The following GRAMD2B variants were observed in gnomAD, a reference collection of about 807,000 sequenced individuals.
GRAMD2B encodes GRAM domain-containing protein 2B.
Under a neutral mutation model 59.2 loss-of-function variants are expected in GRAMD2B, and 41 were observed. The ratio of observed to expected loss-of-function variants is 0.69; its 90% CI spans 0.54 to 0.90. The LOEUF is 0.90. Ranked by LOEUF, GRAMD2B falls within the 40% of genes least tolerant of loss-of-function variation. The pLI is 0.00. For synonymous variants in GRAMD2B, 161 were observed against 182.7 expected (o/e 0.88, Z 0.96); for missense variants, 424 against 500.5 (o/e 0.85, Z 1.46).
At chr5:126,412,728 C>T (rs1035741579) in intron 1 of GRAMD2B, among the ~76,000 whole-genome samples, 1 of 152,014 alleles carries the variant, frequency 6.6e-6, no homozygotes, top group Non-Finnish European at 1.5e-5. Flanking sequence ...GGCTATAACT[C>T]CATCTGATCC....
rs527642149 is a variant in GRAMD2B, at chr5:126,454,523, A to G, written c.84-10903A>G. On this transcript the variant is annotated intron_variant, in intron 1 of 13. Transcript: ENST00000285689. ...TCTCTCCAAAATCAGAATCTTAACA[A>G]TTAATTGCTTTTTGGAGTTATATGA... 5.9e-5 allele frequency among the ~76,000 whole-genome samples: 9 copies of G among 152,360 alleles called. No individual in the cohort carries two copies. The East Asian group carries it at 1.7e-3, about 29-fold the overall frequency.
chr5:126,408,327 C>T (rs911841296), intron 1 of GRAMD2B, among the ~76,000 whole-genome samples: 1 of 152,002 alleles, frequency 6.6e-6, no homozygotes, highest in Non-Finnish European at 1.5e-5. Context: ...ATATGTGCCA[C>T]ATTTTCTTTA....
At chr5:126,481,936 C>A (rs1229622328) in intron 8 of GRAMD2B, among the ~76,000 whole-genome samples, 1 of 150,170 alleles carries the variant, frequency 6.7e-6, no homozygotes, top group Non-Finnish European at 1.5e-5. Flanking sequence ...CCGCTGTACT[C>A]CAGCCTGGGA....
intron 1 of GRAMD2B, among the ~76,000 whole-genome samples, chr5:126,407,586 A>G (rs565760966): frequency 5.8e-4 from 88 of 152,140 alleles, no homozygotes; most frequent in Non-Finnish European, 1.1e-3. Flanking sequence ...GCTCTGATCT[A>G]AATATACAGG....
Position 126,406,110 on chromosome 5 carries a change from G to A in GRAMD2B, c.125+34543G>A, listed in dbSNP as rs540879611. On this transcript the variant is annotated intron_variant, in intron 1 of 8. Transcript: ENST00000506445. ...AAATATAGAGACAAAGATCATATTC[G>A]TGTCTAAAAGAAAAAAGATATTTAT... 4.8e-4 allele frequency among the ~76,000 whole-genome samples: 73 copies of A among 151,916 alleles called. No individual in the cohort carries two copies. The Middle Eastern group carries it at 0.01, about 21-fold the overall frequency.
At chr5:126,382,905 C>G (rs1755785556) in intron 1 of GRAMD2B, among the ~76,000 whole-genome samples, 1 of 152,120 alleles carries the variant, frequency 6.6e-6, no homozygotes, top group Admixed American at 6.5e-5. Flanking sequence ...TAGTACTCTC[C>G]CCCTTCCCCT....
At chr5:126,435,573 T>C (rs926908750) in intron 1 of GRAMD2B, among the ~76,000 whole-genome samples, 1 of 152,182 alleles carries the variant, frequency 6.6e-6, no homozygotes, top group Non-Finnish European at 1.5e-5. Flanking sequence ...TACCGACTCT[T>C]TGAAACTTTA....
intron 1 of GRAMD2B, among the ~76,000 whole-genome samples, chr5:126,361,019 G>T (rs1053506878): frequency 1.3e-5 from 2 of 152,054 alleles, no homozygotes; most frequent in African/African-American, 4.8e-5. Flanking sequence ...TAGCTTTTTG[G>T]TTTTTTAGGT....
At chr5:126,466,074 G>A (rs1768314163) in intron 2 of GRAMD2B, among the ~76,000 whole-genome samples, 1 of 152,196 alleles carries the variant, frequency 6.6e-6, no homozygotes, top group Admixed American at 6.5e-5. Flanking sequence ...ATTTGGTAGA[G>A]ACTAAAGTTG....
Position 126,360,406 on chromosome 5 carries a change from G to A in GRAMD2B, c.75G>A (p.Trp25Ter), listed in dbSNP as rs890335929. ...CATTCCAAGCACAGCTTATGCCCTG[G>A]AAGAGTATGTTCCACGGGAGAGAAG... The change falls in exon 1 of 14, where the codon TGG becomes TGA. Residue 25 changes from tryptophan to a stop codon, truncating the protein, a stop_gained. Transcript: ENST00000513040. LOFTEE classifies it high-confidence loss of function. 5.8e-6 allele frequency: 9 copies of A among 1,551,302 alleles called. No individual in the cohort carries two copies. The highest frequency in any genetic ancestry group is 4.9e-5 in the East Asian group (2 of 40,926).
chr5:126,469,339 T>C (rs1769097397), intron 2 of GRAMD2B, among the ~76,000 whole-genome samples: 1 of 152,156 alleles, frequency 6.6e-6, no homozygotes, highest in South Asian at 2.1e-4. Flanking sequence ...TACAATAAAT[T>C]AATGAAAAAT....
At chr5:126,451,288 A>G (rs1217584759) in intron 1 of GRAMD2B, among the ~76,000 whole-genome samples, 3 of 152,238 alleles carry the variant, frequency 2.0e-5, no homozygotes, top group African/African-American at 7.2e-5. Flanking sequence ...GCATTGCTAT[A>G]AAAGAATACC....
intron 13 of GRAMD2B, among the ~76,000 whole-genome samples, chr5:126,491,312 A>G (rs889591802): frequency 3.3e-5 from 5 of 152,188 alleles, no homozygotes; most frequent in Non-Finnish European, 5.9e-5. Flanking sequence ...AAAGTTGGGG[A>G]AGAAAGCAAT....
At chr5:126,450,984 C>T (rs1478231833) in intron 1 of GRAMD2B, among the ~76,000 whole-genome samples, 1 of 152,262 alleles carries the variant, frequency 6.6e-6, no homozygotes, top group Non-Finnish European at 1.5e-5. Context: ...ACAGAGTGCC[C>T]AACAGGGCAC....
chr5:126,434,638 C>T (rs555027127), intron 1 of GRAMD2B, among the ~76,000 whole-genome samples: 3 of 152,254 alleles, frequency 2.0e-5, no homozygotes, highest in Non-Finnish European at 4.4e-5. Flanking sequence ...CTGCCTCAGC[C>T]TCCCGAGTAG....
chr5:126,376,154 G>T (rs902081327), intron 1 of GRAMD2B, among the ~76,000 whole-genome samples: 2 of 152,194 alleles, frequency 1.3e-5, no homozygotes, highest in Non-Finnish European at 2.9e-5. Context: ...ATGCAAATTA[G>T]CCATTAGGCA....
chr5:126,377,066 T>C (rs1429019581), intron 1 of GRAMD2B, among the ~76,000 whole-genome samples: 1 of 150,470 alleles, frequency 6.6e-6, no homozygotes, highest in East Asian at 2.0e-4. Context: ...TCTGGTCTCT[T>C]TCCCAGACTT....
chr5:126,438,296 G>A (rs182462299), intron 1 of GRAMD2B, among the ~76,000 whole-genome samples: 149 of 152,200 alleles, frequency 9.8e-4, no homozygotes, highest in African/African-American at 3.5e-3. Context: ...ACATAACCTC[G>A]GAGAAACAGC....
intron 1 of GRAMD2B, among the ~76,000 whole-genome samples, chr5:126,462,644 A>C (rs1159473417): frequency 6.6e-6 from 1 of 152,198 alleles, no homozygotes; most frequent in Non-Finnish European, 1.5e-5. Flanking sequence ...GCTGTGGAAA[A>C]AAACCAGACA....
Sources: allele counts gnomAD v4.1 joint callset (sites outside exome capture counted in the v4.1 genomes callset), GRCh38; gene constraint gnomAD v4.1.1; transcripts MANE v1.5; gene names NCBI Gene and HGNC (gene_info 2026-07-23, HGNC 2026-07-21).